Variants in CCDC178 observed in about 807,000 individuals in gnomAD.
The protein encoded by CCDC178 is coiled-coil domain-containing protein 178.
CCDC178 carries 126 observed loss-of-function variants against 117.4 expected under a neutral mutation model. That is an observed-to-expected ratio of 1.07 (90% CI 0.93 to 1.24). CCDC178 has a LOEUF of 1.24. Among genes scored for constraint, CCDC178 ranks in the 50% most tolerant of loss-of-function variants. The pLI is 0.00. For synonymous variants in CCDC178, 283 were observed against 313.4 expected (o/e 0.90, Z 1.02); for missense variants, 1,030 against 986.9 (o/e 1.04, Z -0.59).
At chr18:33,125,480 T>C (rs1440128327) in intron 20 of CCDC178, among the ~76,000 whole-genome samples, 1 of 152,202 alleles carries the variant, frequency 6.6e-6, no homozygotes, top group Non-Finnish European at 1.5e-5. Flanking sequence ...TCACATATGC[T>C]TGATCATTTA....
At chr18:32,991,213 CTG>C (rs1206336758) in intron 21 of CCDC178, among the ~76,000 whole-genome samples, 1 of 152,162 alleles carries the variant, frequency 6.6e-6, no homozygotes, top group Non-Finnish European at 1.5e-5. Flanking sequence ...AAATTCATGA[CTG>C]TCTGACTTCA....
At chr18:33,166,444 G>A (rs1163014585) in intron 20 of CCDC178, among the ~76,000 whole-genome samples, 3 of 151,896 alleles carry the variant, frequency 2.0e-5, no homozygotes, top group Admixed American at 6.6e-5. Flanking sequence ...ATCTCCCTAC[G>A]GCACTAGATT....
intron 22 of CCDC178, among the ~76,000 whole-genome samples, chr18:32,948,098 T>C (rs2054396021): frequency 6.6e-6 from 1 of 152,180 alleles, no homozygotes; most frequent in Non-Finnish European, 1.5e-5. Flanking sequence ...TTGGTTACTG[T>C]AACTTTATAA....
chr18:33,300,385 T>C (rs549536852), intron 11 of CCDC178, among the ~76,000 whole-genome samples: 1 of 152,346 alleles, frequency 6.6e-6, no homozygotes, highest in East Asian at 1.9e-4. Flanking sequence ...GAATTGGGCA[T>C]TGCTATAAAG....
chr18:33,380,078 G>A (rs1403304576), intron 5 of CCDC178, among the ~76,000 whole-genome samples: 1 of 152,112 alleles, frequency 6.6e-6, no homozygotes, highest in Non-Finnish European at 1.5e-5. Flanking sequence ...GGGGTGGAGT[G>A]CAGAGGGTCC....
intron 20 of CCDC178, among the ~76,000 whole-genome samples, chr18:33,199,932 G>A (rs961664588): frequency 1.1e-4 from 17 of 151,940 alleles, no homozygotes; most frequent in African/African-American, 2.9e-4. Context: ...TTTGGATACC[G>A]ACACCACAAC....
Position 33,187,114 on chromosome 18 carries a change from A to AGAGAGAGC in CCDC178, c.2238+24781_2238+24782insGCTCTCTC, listed in dbSNP as rs60923129. On this transcript the variant is annotated intron_variant, in intron 20 of 22. Coordinates refer to ENST00000383096, the MANE Select transcript of CCDC178 (RefSeq NM_001105528.4). ...GAGAGAGAGAGAGAGAGAGAGAGAG[A>AGAGAGAGC]GACTGAGAGAGAGAACTGCCAAACA... Among the ~76,000 whole-genome samples the AGAGAGAGC allele has an allele frequency of 8.2e-3, 1,233 of 150,286 alleles. 16 individuals are homozygous for AGAGAGAGC. Among genetic ancestry groups the AGAGAGAGC allele is most frequent in the African/African-American group, 0.027 (1,111 of 40,602 alleles).
intron 6 of CCDC178, among the ~76,000 whole-genome samples, 170 bp from the exon 7 acceptor site, chr18:33,356,516 C>A (rs953026277): frequency 6.6e-6 from 1 of 151,876 alleles, no homozygotes; most frequent in South Asian, 2.1e-4. Context: ...TAAGCCCCCC[C>A]AACTGACTGA....
chr18:33,233,007 GT>G (rs2059385054), intron 15 of CCDC178, among the ~76,000 whole-genome samples: 1 of 151,884 alleles, frequency 6.6e-6, no homozygotes, highest in African/African-American at 2.4e-5. Context: ...TATATTCATG[GT>G]TTCCATAAAT....
chr18:33,272,869 T>C (rs990279535), intron 12 of CCDC178, among the ~76,000 whole-genome samples: 3 of 151,236 alleles, frequency 2.0e-5, no homozygotes, highest in Admixed American at 1.3e-4. Context: ...AAAAATTCAG[T>C]AAACTAACAA....
intron 4 of CCDC178, 86 bp from the exon 5 acceptor site, chr18:33,389,715 G>A (rs930758150): frequency 1.6e-5 from 8 of 508,990 alleles, no homozygotes; most frequent in South Asian, 4.9e-5. Context: ...AAAAAACTAC[G>A]TTAGAGAAGT....
At chr18:33,254,633 A>G (rs1432155167) in intron 14 of CCDC178, among the ~76,000 whole-genome samples, 1 of 152,006 alleles carries the variant, frequency 6.6e-6, no homozygotes, top group African/African-American at 2.4e-5. Context: ...CCAATAGGAC[A>G]AGCTTCTGGG....
chr18:33,151,731 C>A (rs1043378366), intron 20 of CCDC178, among the ~76,000 whole-genome samples: 1 of 152,042 alleles, frequency 6.6e-6, no homozygotes, highest in African/African-American at 2.4e-5. Flanking sequence ...TTAACACCAA[C>A]GACAATAATG....
chr18:33,356,711 GC>G (rs1000741581), intron 6 of CCDC178, among the ~76,000 whole-genome samples: 2 of 152,056 alleles, frequency 1.3e-5, no homozygotes, highest in African/African-American at 4.8e-5. Flanking sequence ...ACTCTTTGTA[GC>G]AATAATATAC....
chr18:32,945,601 A>G (rs954942334), intron 22 of CCDC178, among the ~76,000 whole-genome samples: 10 of 152,224 alleles, frequency 6.6e-5, no homozygotes, highest in African/African-American at 2.4e-4. Flanking sequence ...TGTAAGCACA[A>G]TTTGGAGAAG....
intron 20 of CCDC178, among the ~76,000 whole-genome samples, chr18:33,141,302 G>A (rs943019283): frequency 6.6e-6 from 1 of 152,144 alleles, no homozygotes; most frequent in Non-Finnish European, 1.5e-5. Flanking sequence ...GCTACTTATA[G>A]TTAGTTATTG....
At chr18:33,437,685 A>G in intron 2 of CCDC178, 1 of 152,226 alleles carries the variant, frequency 6.6e-6, no homozygotes, top group East Asian at 1.9e-4. Flanking sequence ...TCAATCAGTT[A>G]GATGTAGAAT....
At chr18:33,275,576 G>C (rs2059937965) in intron 12 of CCDC178, among the ~76,000 whole-genome samples, 1 of 141,028 alleles carries the variant, frequency 7.1e-6, no homozygotes, top group South Asian at 2.5e-4. Context: ...ATACTAAGAG[G>C]AAAGGAAGGG....
chr18:33,090,489 A>C (rs2057446810), intron 21 of CCDC178, among the ~76,000 whole-genome samples: 1 of 152,200 alleles, frequency 6.6e-6, no homozygotes, highest in South Asian at 2.1e-4. Flanking sequence ...AAAGAACTAA[A>C]ACCTGCATAC....
Sources: allele counts gnomAD v4.1 joint callset (sites outside exome capture counted in the v4.1 genomes callset), GRCh38; gene constraint gnomAD v4.1.1; transcripts MANE v1.5; gene names NCBI Gene and HGNC (gene_info 2026-07-23, HGNC 2026-07-21).